UBE4B: variants seen among roughly 807,000 people sequenced by gnomAD.
The protein encoded by UBE4B is ubiquitin conjugation factor E4 B.
Under a neutral mutation model 148.1 loss-of-function variants are expected in UBE4B, and 27 were observed. That is an observed-to-expected ratio of 0.18 (90% CI 0.13 to 0.25). UBE4B has a LOEUF of 0.25. Among genes scored for constraint, UBE4B ranks in the 10% least tolerant of loss-of-function variants. The pLI is 1.00. For synonymous variants in UBE4B, 596 were observed against 619.3 expected (o/e 0.96, Z 0.56); for missense variants, 1,170 against 1,662.4 (o/e 0.70, Z 5.15).
Position 10,179,540 on chromosome 1 carries a change from G to T in UBE4B, c.3825G>T (p.Leu1275=). 6.2e-7 allele frequency: 1 copy of T among 1,613,618 alleles called. No individual in the cohort carries two copies. The highest frequency in any genetic ancestry group is 8.5e-7 in the Non-Finnish European group (1 of 1,180,036). The part of the protein sequence containing the change: ...SPTDPFNRQT[L]TESMLEPVPE... ...CGGACCCCTTCAACCGGCAGACGCT[G>T]ACAGAGAGCATGCTGGAACCAGGTA... Residue 1275 remains leucine, a synonymous_variant, in exon 27 of 28, where the codon CTG becomes CTT. Coordinates refer to ENST00000343090, the MANE Select transcript of UBE4B (RefSeq NM_001105562.3).
Position 10,130,527 on chromosome 1 carries a change from A to C in UBE4B, c.1723A>C (p.Lys575Gln). The change falls in exon 13 of 28, where the codon AAA becomes CAA. Residue 575 changes from lysine (K) to glutamine (Q), a missense_variant. Physicochemically the swap from Lys to Gln is moderately conservative, Grantham distance 53. Transcript: ENST00000343090. ...TGCTTCTTTGCGGTTGTGGTTGCCG[A>C]AATCCTTAAGTCCTGGCTGTGGGCG... The part of the protein sequence containing the change: ...LVASLRLWLP[K>Q]SLSPGCGREL... The C allele has an allele frequency of 6.2e-7, 1 of 1,614,068 alleles. No homozygotes were observed. Among genetic ancestry groups the C allele is most frequent in the Non-Finnish European group, 8.5e-7 (1 of 1,180,028 alleles).
At chr1:10,090,863 A>G (rs931012739) in intron 2 of UBE4B, among the ~76,000 whole-genome samples, 4 of 151,582 alleles carry the variant, frequency 2.6e-5, no homozygotes, top group Non-Finnish European at 5.9e-5. Context: ...GTTACAAGTT[A>G]AAGGTAGATA....
intron 1 of UBE4B, among the ~76,000 whole-genome samples, chr1:10,067,173 T>C (rs189443257): frequency 6.6e-6 from 1 of 152,268 alleles, no homozygotes; most frequent in East Asian, 1.9e-4. Flanking sequence ...CTTCACTGTT[T>C]TGAATCTATT....
Position 10,181,105 on chromosome 1 carries a change from A to G in UBE4B, c.*1149A>G, listed in dbSNP as rs997046058. 6.6e-6 allele frequency: 1 copy of G among 152,448 alleles called. No homozygotes were observed. The highest frequency in any genetic ancestry group is 1.5e-5 in the Non-Finnish European group (1 of 67,988). 9.4% of individuals were successfully genotyped at this position (152,448 alleles called of 1,614,324 possible). On this transcript the variant is annotated 3_prime_UTR_variant, in exon 28 of 28. Coordinates refer to ENST00000343090, the MANE Select transcript of UBE4B (RefSeq NM_001105562.3). ...AAAAAAAAAAAGGATTTGAAACCAT[A>G]AAGTGTTCTGAAGAAATTAAGTCTA...
intron 17 of UBE4B, among the ~76,000 whole-genome samples, chr1:10,137,921 C>CTTTTTTTTTTTTTTTTTTTTTT (rs70998351): frequency 3.0e-5 from 2 of 66,982 alleles, no homozygotes; most frequent in Non-Finnish European, 2.4e-5. Flanking sequence ...CTTACTAATT[C>CTTTTTTTTTTTTTTTTTTTTTT]TTTTTTTTTT....
In UBE4B at chr1:10,119,695, T is replaced by G. The variant is rs1645379941; in HGVS notation, c.1439+82T>G. On this transcript the variant is annotated intron_variant, in intron 9 of 27. Coordinates refer to ENST00000343090, the MANE Select transcript of UBE4B (RefSeq NM_001105562.3). ...GGACATCAGGCTCTCTGGCCATTCT[T>G]GCACCACCTTAGATAACTCCCTTCC... is the stretch of plus-strand genomic sequence containing the variant. The G allele has an allele frequency of 5.6e-6, 7 of 1,252,734 alleles. No individual in the cohort carries two copies. The South Asian group carries it at 8.6e-5, about 15-fold the overall frequency. The allele number at this position is 1,252,734 out of a possible 1,614,324, so 77.6% of individuals were successfully genotyped here. A position where few individuals can be genotyped will look rare whatever the true frequency, so the allele number is the denominator to read the frequency against.
At chr1:10,085,346 C>A (rs775512022) in intron 2 of UBE4B, among the ~76,000 whole-genome samples, 1 of 152,194 alleles carries the variant, frequency 6.6e-6, no homozygotes, top group Non-Finnish European at 1.5e-5. Flanking sequence ...ACCTCGTGGC[C>A]TCAGGCCTCT....
intron 7 of UBE4B, among the ~76,000 whole-genome samples, chr1:10,109,375 C>T (rs1247666748): frequency 1.3e-5 from 2 of 152,066 alleles, no homozygotes; most frequent in South Asian, 2.1e-4. Context: ...TTTTTGCTGC[C>T]GAGAGTCTGT....
chr1:10,118,694 G>C (rs1053256781), intron 8 of UBE4B, among the ~76,000 whole-genome samples: 5 of 151,174 alleles, frequency 3.3e-5, no homozygotes, highest in Non-Finnish European at 5.9e-5. Context: ...AGTAGAGATG[G>C]GGTTTCTCCA....
At chr1:10,149,416 G>A in intron 20 of UBE4B, 134 bp downstream of exon 20, 1 of 637,328 alleles carries the variant, frequency 1.6e-6, no homozygotes, top group Non-Finnish European at 2.5e-6. Flanking sequence ...GCTGCCTAGA[G>A]ACTGGAAAAA....
chr1:10,096,200 T>A (rs1413507211), intron 3 of UBE4B, among the ~76,000 whole-genome samples: 1 of 152,168 alleles, frequency 6.6e-6, no homozygotes, highest in Admixed American at 6.6e-5. Flanking sequence ...TACTAATTAG[T>A]GAAATTTAAA....
At chr1:10,085,400 G>T (rs1295356587) in intron 2 of UBE4B, among the ~76,000 whole-genome samples, 1 of 152,182 alleles carries the variant, frequency 6.6e-6, no homozygotes, top group African/African-American at 2.4e-5. Flanking sequence ...TCTTCCCGAG[G>T]CTCCCTGAAT....
At chr1:10,132,968 C>T (rs17034501) in intron 15 of UBE4B, among the ~76,000 whole-genome samples, 18,484 of 151,962 alleles carry the variant, frequency 0.12, 1,468 homozygotes, top group African/African-American at 0.23. Context: ...AGGGCGCCAT[C>T]GGGTTAGGTT....
At chr1:10,132,546 C>A in intron 15 of UBE4B, 64 bp downstream of exon 15, 1 of 1,390,186 alleles carries the variant, frequency 7.2e-7, no homozygotes, top group Non-Finnish European at 1.0e-6. Context: ...CAGATTTAGT[C>A]AGCACCTACC....
At chr1:10,139,479 T>G (rs1171895978) in intron 17 of UBE4B, among the ~76,000 whole-genome samples, 1 of 152,192 alleles carries the variant, frequency 6.6e-6, no homozygotes, top group East Asian at 1.9e-4. Flanking sequence ...ATTATGTTGT[T>G]TCTTCCTTAA....
At chr1:10,041,335 CTTTTT>C (rs573440480) in intron 1 of UBE4B, among the ~76,000 whole-genome samples, 1 of 132,132 alleles carries the variant, frequency 7.6e-6, no homozygotes. Context: ...TTTTGGCATT[CTTTTT>C]TTTTTTTTTT....
chr1:10,084,517 G>T (rs1229719426), intron 2 of UBE4B, among the ~76,000 whole-genome samples: 3 of 151,666 alleles, frequency 2.0e-5, no homozygotes, highest in Non-Finnish European at 4.4e-5. Flanking sequence ...GGGTGCATTT[G>T]TCTGGTCTTC....
rs563848721 is a variant in UBE4B, at chr1:10,176,115, GTCTGGCT to G, written c.3526-2526_3526-2520del. 9.9e-5 allele frequency among the ~76,000 whole-genome samples: 15 copies of G among 152,278 alleles called. No individual in the cohort carries two copies. In the East Asian group the frequency reaches 2.9e-3, roughly 29 times the overall value. On this transcript the variant is annotated intron_variant, in intron 25 of 27. Coordinates refer to ENST00000343090, the MANE Select transcript of UBE4B (RefSeq NM_001105562.3). ...ACTTATACAGTGTGTAACCTTCTAT[GTCTGGCT>G]TCCTTCACTTAGCATCATGTTTCAA... is the stretch of plus-strand genomic sequence containing the variant.
Position 10,129,464 on chromosome 1 carries a change from A to T in UBE4B, c.1695+16A>T, listed in dbSNP as rs748835102. ...GTGCAATTTGGTAAGCACTCACCTG[A>T]TGGGCTTGCACATTTTCAGTGAATA... On this transcript the variant is annotated intron_variant, in intron 12 of 27. Transcript: ENST00000343090. The T allele has an allele frequency of 6.2e-7, 1 of 1,605,634 alleles. No individual in the cohort carries two copies. Among genetic ancestry groups the T allele is most frequent in the South Asian group, 1.1e-5 (1 of 90,574 alleles).
Sources: allele counts gnomAD v4.1 joint callset (sites outside exome capture counted in the v4.1 genomes callset), GRCh38; gene constraint gnomAD v4.1.1; transcripts MANE v1.5; gene names NCBI Gene and HGNC (gene_info 2026-07-23, HGNC 2026-07-21).